Variants in BDH2 observed in about 807,000 individuals in gnomAD.
The protein encoded by BDH2 is dehydrogenase/reductase SDR family member 6.
A neutral mutation model predicts 33.2 loss-of-function variants in BDH2; 24 were observed. The ratio of observed to expected loss-of-function variants is 0.72; its 90% CI spans 0.52 to 1.02. The LOEUF (loss-of-function observed/expected upper bound fraction) is 1.02. Among genes scored for constraint, BDH2 ranks in the 50% least tolerant of loss-of-function variants. BDH2 has a pLI of 0.00. For missense variants in BDH2, 249 were observed against 301.6 expected (o/e 0.83, Z 1.29); for synonymous variants, 81 against 101.6 (o/e 0.80, Z 1.22).
rs1280237803 is a variant in BDH2 at position 103,077,754 on chromosome 4, G to T, written c.*1948C>A. Among the ~76,000 whole-genome samples, 1 of 152,162 alleles carries T rather than the reference G, an allele frequency of 6.6e-6. No homozygotes were observed. The highest frequency in any genetic ancestry group is 1.5e-5 in the Non-Finnish European group (1 of 68,032). On this transcript the variant is annotated 3_prime_UTR_variant, in exon 10 of 10. Transcript: ENST00000296424. ...CTATGAATTCACTAGAGAAGTTACA[G>T]CATTTTGATTATGATACACGAAAAG...
At chr4:103,079,974 C>CTAA (rs1190017835) in intron 9 of BDH2, among the ~76,000 whole-genome samples, 1 of 152,202 alleles carries the variant, frequency 6.6e-6, no homozygotes, top group Non-Finnish European at 1.5e-5. Flanking sequence ...TGGCTGGTGT[C>CTAA]TAAGCACCTG....
intron 1 of BDH2, chr4:103,099,081 GA>G (rs1748533992): frequency 6.6e-6 from 1 of 152,096 alleles, no homozygotes; most frequent in South Asian, 2.1e-4. Flanking sequence ...TATAACTTTA[GA>G]AAGATATACT....
chr4:103,086,063 G>T (rs543488265), intron 6 of BDH2: 154 of 1,140,056 alleles, frequency 1.4e-4, no homozygotes, highest in Admixed American at 3.2e-4. Context: ...ACAGCGCTTT[G>T]TACAAACCTC....
chr4:103,080,720 C>A (rs746740814), intron 9 of BDH2, among the ~76,000 whole-genome samples: 9 of 152,210 alleles, frequency 5.9e-5, no homozygotes, highest in African/African-American at 9.7e-5. Context: ...ACTTTTGTAG[C>A]ACATTTCAAG....
intron 9 of BDH2, among the ~76,000 whole-genome samples, chr4:103,080,977 T>C (rs1248675502): frequency 6.6e-6 from 1 of 152,208 alleles, no homozygotes; most frequent in Non-Finnish European, 1.5e-5. Flanking sequence ...ATCCCTGTAT[T>C]TGTCACATTC....
chr4:103,091,247 T>C lies in BDH2; in HGVS notation c.287A>G (p.Lys96Arg). The C allele has an allele frequency of 6.2e-7, 1 of 1,613,568 alleles. No individual in the cohort carries two copies. Among genetic ancestry groups the C allele is most frequent in the South Asian group, 1.1e-5 (1 of 91,064 alleles). ...GAGATTCATCGAGAAGTCCCAGTCT[T>C]TCTCCTCACAATCCAGGACAGTTCC... is the stretch of plus-strand genomic sequence containing the variant. Reference protein sequence around the residue: ...HHGTVLDCEEKDWDFSMNLNV... With the variant: ...HHGTVLDCEERDWDFSMNLNV... The change falls in exon 5 of 10, where the codon AAA becomes AGA. Residue 96 changes from lysine to arginine, a missense_variant. By Grantham distance (26) the Lys-to-Arg change is conservative. Transcript: ENST00000296424.
intron 7 of BDH2, among the ~76,000 whole-genome samples, chr4:103,084,127 CCA>C (rs1198597035): frequency 2.0e-5 from 3 of 152,192 alleles, no homozygotes; most frequent in African/African-American, 7.2e-5. Flanking sequence ...TCCTTAAAGT[CCA>C]CAGTTTTACC....
At chr4:103,099,219 A>C (rs1367666351) in intron 1 of BDH2, 1 of 152,178 alleles carries the variant, frequency 6.6e-6, no homozygotes, top group Non-Finnish European at 1.5e-5. Flanking sequence ...TGCCAACCGA[A>C]GAAGCACTTC....
chr4:103,094,469 T>C (rs990716588), intron 3 of BDH2, among the ~76,000 whole-genome samples: 2 of 152,152 alleles, frequency 1.3e-5, no homozygotes, highest in Non-Finnish European at 2.9e-5. Flanking sequence ...GTAATGGATA[T>C]GTTAATTAGC....
At chr4:103,082,967 T>G in intron 7 of BDH2, 38 bp from the exon 8 acceptor site, 1 of 1,548,718 alleles carries the variant, frequency 6.5e-7, no homozygotes, top group Non-Finnish European at 8.9e-7. Flanking sequence ...GTTACTCACT[T>G]TCACTGAAAA....
chr4:103,092,767 G>A (rs1748173608), intron 3 of BDH2, 71 bp from the exon 4 acceptor site: 1 of 1,083,222 alleles, frequency 9.2e-7, no homozygotes, highest in East Asian at 2.5e-5. Context: ...TTTGAAGTGT[G>A]AAGTGTGAAG....
At chr4:103,089,977 A>C (rs561927806) in intron 5 of BDH2, among the ~76,000 whole-genome samples, 3 of 152,306 alleles carry the variant, frequency 2.0e-5, no homozygotes, top group Non-Finnish European at 2.9e-5. Context: ...TTTCCTGTTA[A>C]TGTTCATCTG....
chr4:103,092,530 G>T, intron 4 of BDH2, 70 bp downstream of exon 4: 2 of 1,082,226 alleles, frequency 1.8e-6, no homozygotes, highest in Non-Finnish European at 2.8e-6. Context: ...GCCACATTAT[G>T]AAAATTCTTT....
intron 5 of BDH2, among the ~76,000 whole-genome samples, chr4:103,090,509 G>A (rs905659969): frequency 2.0e-5 from 3 of 152,164 alleles, no homozygotes; most frequent in Non-Finnish European, 4.4e-5. Flanking sequence ...GAGAGTGTGA[G>A]CCTAGACTGA....
At chr4:103,088,348 C>T (rs1413721144) in intron 5 of BDH2, among the ~76,000 whole-genome samples, 1 of 152,216 alleles carries the variant, frequency 6.6e-6, no homozygotes, top group African/African-American at 2.4e-5. Context: ...GGTTCAATCT[C>T]TAGTCCTCTC....
chr4:103,084,841 T>C (rs1042998475), intron 7 of BDH2, among the ~76,000 whole-genome samples: 1 of 152,144 alleles, frequency 6.6e-6, no homozygotes, highest in African/African-American at 2.4e-5. Context: ...ATGAACTCCT[T>C]CCCTAAATTC....
At chr4:103,091,773 A>G (rs1457582801) in intron 4 of BDH2, 1 of 456,006 alleles carries the variant, frequency 2.2e-6, no homozygotes, top group Non-Finnish European at 4.4e-6. Flanking sequence ...GAGAAAAAAC[A>G]TCTGCCCTAT....
chr4:103,086,220 T>C, intron 6 of BDH2: 1 of 1,239,108 alleles, frequency 8.1e-7, no homozygotes, highest in Non-Finnish European at 1.0e-6. Context: ...TTCTCCCAGT[T>C]TGATGTTCAT....
chr4:103,098,361 A>G (rs1748505850), intron 1 of BDH2, among the ~76,000 whole-genome samples: 1 of 152,210 alleles, frequency 6.6e-6, no homozygotes, highest in Non-Finnish European at 1.5e-5. Context: ...TGCAGGTCCA[A>G]GGGAAGATCT....
Sources: allele counts gnomAD v4.1 joint callset (sites outside exome capture counted in the v4.1 genomes callset), GRCh38; gene constraint gnomAD v4.1.1; transcripts MANE v1.5; gene names NCBI Gene and HGNC (gene_info 2026-07-23, HGNC 2026-07-21).